The following CDC14A variants were observed in gnomAD, a reference collection of about 807,000 sequenced individuals.
The protein encoded by CDC14A is cell division cycle 14A, also known as dual specificity protein phosphatase CDC14A.
CDC14A carries 53 observed loss-of-function variants against 74.4 expected under a neutral mutation model. The ratio of observed to expected loss-of-function variants is 0.71; its 90% CI spans 0.57 to 0.89. The LOEUF is 0.89. Ranked by LOEUF, CDC14A falls within the 40% of genes least tolerant of loss-of-function variation. CDC14A has a pLI of 0.00. For missense variants in CDC14A, 646 were observed against 713.7 expected, an observed-to-expected ratio of 0.91 and a Z score of 1.08; for synonymous variants, 247 against 258.4, an observed-to-expected ratio of 0.96 and a Z score of 0.43.
intron 10 of CDC14A, among the ~76,000 whole-genome samples, chr1:100,476,583 C>A (rs1299255315): frequency 1.3e-5 from 2 of 150,332 alleles, no homozygotes; most frequent in East Asian, 3.9e-4. Flanking sequence ...AACCAATCTG[C>A]CTTTTTCTTT....
chr1:100,487,150 A>T (rs752135489), intron 11 of CDC14A, among the ~76,000 whole-genome samples: 17 of 152,078 alleles, frequency 1.1e-4, no homozygotes, highest in South Asian at 2.1e-4. Flanking sequence ...ATTGACTTTT[A>T]AAAAAAAGAT....
At chr1:100,407,039 A>G (rs1660041053) in intron 4 of CDC14A, among the ~76,000 whole-genome samples, 1 of 151,036 alleles carries the variant, frequency 6.6e-6, no homozygotes, top group Admixed American at 6.6e-5. Context: ...TGAGTTCTCT[A>G]TTCTCTCCAT....
At chr1:100,368,294 C>G (rs1653945779) in intron 2 of CDC14A, among the ~76,000 whole-genome samples, 1 of 152,088 alleles carries the variant, frequency 6.6e-6, no homozygotes, top group Non-Finnish European at 1.5e-5. Context: ...TTTGTTTCAC[C>G]TTAGTTAATT....
chr1:100,441,284 A>C (rs17122505), intron 6 of CDC14A, among the ~76,000 whole-genome samples: 3,011 of 152,224 alleles, frequency 0.02, 109 homozygotes, highest in African/African-American at 0.069. Flanking sequence ...CTCAAAGACA[A>C]ATGAGATTTT....
chr1:100,468,206 T>A, intron 10 of CDC14A, 112 bp downstream of exon 10: 1 of 1,193,726 alleles, frequency 8.4e-7, no homozygotes, highest in Non-Finnish European at 1.2e-6. Flanking sequence ...GCTGCATTGT[T>A]AAGAGAAGTG....
At chr1:100,366,307 T>C (rs993879135) in intron 2 of CDC14A, among the ~76,000 whole-genome samples, 16 of 152,352 alleles carry the variant, frequency 1.1e-4, no homozygotes, top group African/African-American at 3.6e-4. Context: ...TAGTCATAAA[T>C]TTTGTTGAAT....
chr1:100,452,536 A>T (rs1186270821), intron 7 of CDC14A, among the ~76,000 whole-genome samples: 1 of 152,144 alleles, frequency 6.6e-6, no homozygotes. Flanking sequence ...AATTGTAAAA[A>T]TTCATGTTTT....
upstream of CDC14A, among the ~76,000 whole-genome samples, chr1:100,348,532 G>C (rs1378423667): frequency 6.6e-6 from 1 of 152,018 alleles, no homozygotes; most frequent in East Asian, 1.9e-4. Flanking sequence ...TTTATCACTA[G>C]TCTGCATCCA....
intron 11 of CDC14A, among the ~76,000 whole-genome samples, chr1:100,493,852 T>C (rs1439385781): frequency 1.3e-5 from 2 of 152,184 alleles, no homozygotes; most frequent in Non-Finnish European, 2.9e-5. Flanking sequence ...GAGGAGGTAT[T>C]GCGATGAGAA....
At position 100,420,005 on chromosome 1, in the gene CDC14A, T is replaced by TATATACACATATATATATAC. The variant is rs1553180400; in HGVS notation, c.310-4212_310-4211insCACATATATATATACATATA. ...CACAGATTTCACTTTTAAATATATA[T>TATATACACATATATATATAC]ATATATACATATATATATACATATA... On this transcript the variant is annotated intron_variant, in intron 4 of 15. Transcript: ENST00000336454. Among the ~76,000 whole-genome samples the TATATACACATATATATATAC allele has an allele frequency of 1.4e-4, 15 of 110,992 alleles. 1 individual carries two copies. Among genetic ancestry groups the TATATACACATATATATATAC allele is most frequent in the Non-Finnish European group, 2.7e-4 (15 of 55,416 alleles). 72.8% of individuals were successfully genotyped at this position (110,992 alleles called of 152,430 possible).
intron 10 of CDC14A, among the ~76,000 whole-genome samples, chr1:100,471,620 A>G (rs1668404812): frequency 6.6e-6 from 1 of 152,166 alleles, no homozygotes; most frequent in Non-Finnish European, 1.5e-5. Context: ...CAATTATGAT[A>G]TTGAGATATT....
chr1:100,371,367 C>G (rs1054735622), intron 2 of CDC14A, among the ~76,000 whole-genome samples: 6 of 152,096 alleles, frequency 3.9e-5, no homozygotes, highest in Non-Finnish European at 7.4e-5. Flanking sequence ...GCATCCTTGT[C>G]TTGTTTCAAC....
chr1:100,471,581 C>G (rs915946806), intron 10 of CDC14A, among the ~76,000 whole-genome samples: 6 of 151,740 alleles, frequency 4.0e-5, no homozygotes, highest in African/African-American at 1.5e-4. Flanking sequence ...ATTTACACTC[C>G]CAGATATGGA....
chr1:100,458,457 T>C (rs1666954199), intron 8 of CDC14A, among the ~76,000 whole-genome samples: 1 of 152,224 alleles, frequency 6.6e-6, no homozygotes, highest in African/African-American at 2.4e-5. Flanking sequence ...TGAAAGTACA[T>C]TTATCTCACC....
intron 10 of CDC14A, 38 bp from the exon 11 acceptor site, chr1:100,484,254 T>G (rs1669803859): frequency 7.6e-7 from 1 of 1,313,780 alleles, no homozygotes; most frequent in Non-Finnish European, 1.0e-6. Context: ...AAAGATAACT[T>G]TTTCTTGTCG....
intron 5 of CDC14A, among the ~76,000 whole-genome samples, chr1:100,437,229 G>T (rs1372080181): frequency 1.3e-5 from 2 of 152,134 alleles, no homozygotes; most frequent in Non-Finnish European, 2.9e-5. Context: ...GTAGATGCAT[G>T]GGTTCAATCT....
At chr1:100,389,579 G>T (rs376139474) in intron 3 of CDC14A, among the ~76,000 whole-genome samples, 21 of 152,092 alleles carry the variant, frequency 1.4e-4, no homozygotes, top group South Asian at 1.2e-3. Context: ...ACATGGTAAA[G>T]CCAGAGTGTT....
At chr1:100,354,675 T>C (rs1249046646) in intron 2 of CDC14A, among the ~76,000 whole-genome samples, 1 of 152,260 alleles carries the variant, frequency 6.6e-6, no homozygotes, top group African/African-American at 2.4e-5. Context: ...GACTTGGTTA[T>C]GTACTTTTAT....
chr1:100,420,053 C>CATATATATAT (rs1420823843), intron 4 of CDC14A, among the ~76,000 whole-genome samples: 1 of 18,392 alleles, frequency 5.4e-5, no homozygotes, highest in Non-Finnish European at 1.1e-4. Context: ...CACACACACA[C>CATATATATAT]ACACACACAC....
Sources: gnomAD v4.1 joint callset for allele counts (sites outside exome capture counted in the v4.1 genomes callset) on GRCh38, gnomAD v4.1.1 for gene constraint, MANE v1.5 for transcripts, NCBI Gene and HGNC (gene_info 2026-07-23, HGNC 2026-07-21) for gene names.